The following USP35 variants were observed in gnomAD, a reference collection of about 807,000 sequenced individuals.
USP35 encodes ubiquitin specific peptidase 35, also known as ubiquitin carboxyl-terminal hydrolase 35.
Under a neutral mutation model 83.8 loss-of-function variants are expected in USP35, and 69 were observed. The observed-to-expected ratio is 0.82, with a 90% CI of 0.68 to 1.01. The LOEUF (loss-of-function observed/expected upper bound fraction) is 1.01. Among genes scored for constraint, USP35 ranks in the 50% least tolerant of loss-of-function variants. The probability of loss-of-function intolerance (pLI) is 0.00; values close to 1 mark genes in which losing one functional copy is unlikely to be tolerated. For synonymous variants in USP35, 714 were observed against 589.5 expected (o/e 1.21, Z -3.06); for missense variants, 1,503 against 1,362.5 (o/e 1.10, Z -1.62).
chr11:78,207,672 G>T, intron 8 of USP35, 49 bp downstream of exon 8: 1 of 1,570,022 alleles, frequency 6.4e-7, no homozygotes, highest in Non-Finnish European at 8.7e-7. Flanking sequence ...CTCTGGTCAG[G>T]CCCCGACATG....
chr11:78,223,655 G>A, the USP35 span: 2 of 1,604,358 alleles, frequency 1.2e-6, no homozygotes, highest in Non-Finnish European at 8.5e-7. Flanking sequence ...CTGTCCGATC[G>A]GCCCACAATC....
chr11:78,230,040 CTG>C, the USP35 span, among the ~76,000 whole-genome samples: 14 of 152,236 alleles, frequency 9.2e-5, no homozygotes, highest in African/African-American at 2.4e-4. Flanking sequence ...TGCCAACAGA[CTG>C]TGATTTCCTT....
intron 1 of USP35, among the ~76,000 whole-genome samples, chr11:78,195,703 T>C (rs1863121103): frequency 6.6e-6 from 1 of 152,152 alleles, no homozygotes; most frequent in Non-Finnish European, 1.5e-5. Flanking sequence ...TTTGTGCGAT[T>C]AAAGGCGCTT....
Position 78,211,382 on chromosome 11 carries a change from T to G in USP35, c.2889+638T>G, listed in dbSNP as rs189064853. ...TGGGCATTTGGGTTGATTCCATGTC[T>G]TTGCTATTGTGAAATGTGCTGCAGT... On this transcript the variant is annotated intron_variant, in intron 10 of 10. Coordinates refer to ENST00000529308, the MANE Select transcript of USP35 (RefSeq NM_020798.4). Among the ~76,000 whole-genome samples the G allele has an allele frequency of 1.4e-4, 21 of 152,346 alleles. No homozygotes were observed. The East Asian group carries it at 4.0e-3, about 29-fold the overall frequency.
Position 78,214,450 on chromosome 11 carries a change from CAG to C in USP35, c.*638_*639del, listed in dbSNP as rs1474152979. 1 of 151,922 alleles carries C rather than the reference CAG, an allele frequency of 6.6e-6. No homozygotes were observed. Among genetic ancestry groups the C allele is most frequent in the Non-Finnish European group, 1.5e-5 (1 of 68,212 alleles). The allele number at this position is 151,922 out of a possible 1,614,324, so 9.4% of individuals were successfully genotyped here. A position where few individuals can be genotyped will look rare whatever the true frequency, so the allele number is the denominator to read the frequency against. On this transcript the variant is annotated 3_prime_UTR_variant, in exon 11 of 11. Transcript: ENST00000529308. Reference sequence around the variant, plus strand: ...CCCCACAGCCCCTCCACGCCTGCCTCAGGGCCTGAGAAGCCACCACTTGTATC... The same window carrying C: ...CCCCACAGCCCCTCCACGCCTGCCTCGGCCTGAGAAGCCACCACTTGTATC...
chr11:78,214,573 T>C lies in USP35; in HGVS notation c.*760T>C, dbSNP rs895114384. On this transcript the variant is annotated 3_prime_UTR_variant, in exon 11 of 11. Coordinates refer to ENST00000529308, the MANE Select transcript of USP35 (RefSeq NM_020798.4). ...AAGCCTGTGGGCTCCTCTGAGCAGT[T>C]GGCCTTTGTAGCTGCAACAGCAGCC... is the stretch of plus-strand genomic sequence containing the variant. 6.6e-6 allele frequency: 1 copy of C among 152,306 alleles called. No homozygotes were observed. Among genetic ancestry groups the C allele is most frequent in the Non-Finnish European group, 1.5e-5 (1 of 68,092 alleles). The allele number at this position is 152,306 out of a possible 1,614,324, so 9.4% of individuals were successfully genotyped here.
rs1565396411 is a variant in USP35 at position 78,199,759 on chromosome 11, T to A, written c.936+35T>A. 1.9e-6 allele frequency: 3 copies of A among 1,613,954 alleles called. No individual in the cohort carries two copies. In the East Asian group the frequency reaches 6.7e-5, roughly 36 times the overall value. On this transcript the variant is annotated intron_variant, in intron 4 of 10. Transcript: ENST00000529308. ...CCTGTCCTAGCCCAGAGTTACAGCC[T>A]TTTGTACTAGGCTCTTGCCAGGGGC...
the USP35 span, among the ~76,000 whole-genome samples, chr11:78,233,766 C>T: frequency 6.6e-6 from 1 of 152,150 alleles, no homozygotes. Context: ...ACATCCACGC[C>T]TGTCTAATTT....
chr11:78,196,304 G>A lies in USP35; in HGVS notation c.59G>A (p.Gly20Glu). Residue 20 changes from glycine (G) to glutamate (E), a missense_variant, in exon 2 of 11, where the codon GGG (glycine) becomes GAG (glutamate). Gly to Glu is a moderately conservative substitution (Grantham distance 98, BLOSUM62 -2). Transcript: ENST00000529308. This position sits in a 1 kb window ranked among gnomAD's most constrained non-coding sequence, Gnocchi z 4.8. ...TSSYPVSVKQ[G>E]LVRRVLEAAR... ...TCATACCCGGTCAGCGTGAAGCAGG[G>A]GCTGGTTCGGCGCGTGCTGGAGGCG... 2 of 1,593,436 alleles carry A rather than the reference G, an allele frequency of 1.3e-6. No homozygotes were observed. The highest frequency in any genetic ancestry group is 1.7e-5 in the Admixed American group (1 of 59,726).
intron 6 of USP35, among the ~76,000 whole-genome samples, chr11:78,204,360 A>T (rs1863470073): frequency 6.6e-6 from 1 of 152,220 alleles, no homozygotes; most frequent in African/African-American, 2.4e-5. Context: ...ATGCCTTTGT[A>T]AATAAGTTCT....
the USP35 span, chr11:78,220,324 G>A: frequency 7.8e-5 from 125 of 1,612,300 alleles, no homozygotes; most frequent in South Asian, 3.7e-4. Context: ...GGCACCTTGC[G>A]GTGGGGGCTT....
chr11:78,200,823 C>T lies in USP35; in HGVS notation c.1197+15C>T, dbSNP rs1863331951. 4 of 1,586,314 alleles carry T rather than the reference C, an allele frequency of 2.5e-6. No individual in the cohort carries two copies. The highest frequency in any genetic ancestry group is 2.3e-5 in the East Asian group (1 of 44,344). On this transcript the variant is annotated intron_variant, in intron 6 of 10. Coordinates refer to ENST00000529308, the MANE Select transcript of USP35 (RefSeq NM_020798.4). Reference sequence around the variant, plus strand: ...AGGCCATCAAGGTGAGCGACAGTCCCCTACTTGGGCCTTGCCCCACTCTGA... The same window carrying T: ...AGGCCATCAAGGTGAGCGACAGTCCTCTACTTGGGCCTTGCCCCACTCTGA...
At position 78,210,205 on chromosome 11, in the gene USP35, TCGTGTGC is replaced by T; in HGVS notation, c.2352_2358del (p.Cys785ProfsTer11). On this transcript the variant is annotated frameshift_variant, in exon 10 of 11. Transcript: ENST00000529308. LOFTEE classifies it high-confidence loss of function. ...AGCAGAAAACCGCTACTACTGCGAG[TCGTGTGC>T]CTCCCTGCAGGATGCCGAGAAGGTG... 1 of 1,613,358 alleles carries T rather than the reference TCGTGTGC, an allele frequency of 6.2e-7. No homozygotes were observed. The highest frequency in any genetic ancestry group is 8.5e-7 in the Non-Finnish European group (1 of 1,179,910).
intron 1 of USP35, among the ~76,000 whole-genome samples, chr11:78,190,592 C>T (rs1023206275): frequency 3.9e-5 from 6 of 152,200 alleles, no homozygotes; most frequent in Non-Finnish European, 5.9e-5. Flanking sequence ...GGGATTGGAC[C>T]TCTGCCAAGG....
At chr11:78,189,362 A>T (rs1473002363) in intron 1 of USP35, among the ~76,000 whole-genome samples, 1 of 152,186 alleles carries the variant, frequency 6.6e-6, no homozygotes, top group Non-Finnish European at 1.5e-5. Context: ...TGTATGTCGA[A>T]GTGATCCTGC....
chr11:78,233,453 A>G, the USP35 span, among the ~76,000 whole-genome samples: 1 of 152,136 alleles, frequency 6.6e-6, no homozygotes, highest in Non-Finnish European at 1.5e-5. Context: ...ACATTCCTAT[A>G]TCTTTTTTTG....
the USP35 span, among the ~76,000 whole-genome samples, chr11:78,231,319 C>T: frequency 2.2e-5 from 3 of 134,540 alleles, no homozygotes; most frequent in Admixed American, 7.0e-5. Flanking sequence ...TCCCTTGGTG[C>T]GCGCGCGCGC....
chr11:78,236,937 C>T, the USP35 span, among the ~76,000 whole-genome samples: 2 of 152,132 alleles, frequency 1.3e-5, no homozygotes, highest in Non-Finnish European at 2.9e-5. Context: ...TAGTTGGATT[C>T]GACTGCTAAT....
At chr11:78,222,143 G>C in the USP35 span, 1 of 1,613,976 alleles carries the variant, frequency 6.2e-7, no homozygotes, top group South Asian at 1.1e-5. Flanking sequence ...GTGACTTGAA[G>C]GGGAGTTCAT....
Sources: allele counts gnomAD v4.1 joint callset (sites outside exome capture counted in the v4.1 genomes callset), GRCh38; gene constraint gnomAD v4.1.1; non-coding constraint Gnocchi (gnomAD v3.1); transcripts MANE v1.5; gene names NCBI Gene and HGNC (gene_info 2026-07-23, HGNC 2026-07-21).